PLPPR3: variants seen among roughly 807,000 people sequenced by gnomAD.
The protein encoded by PLPPR3 is phospholipid phosphatase related 3.
In PLPPR3, 14 loss-of-function variants were observed where a neutral mutation model predicts 27.3. The observed-to-expected ratio is 0.51, with a 90% CI of 0.34 to 0.80. PLPPR3 has a LOEUF of 0.80. Among genes scored for constraint, PLPPR3 ranks in the 30% least tolerant of loss-of-function variants. The pLI is 0.01. For missense variants in PLPPR3, 1,287 were observed against 1,056.9 expected (o/e 1.22, Z -3.02); for synonymous variants, 671 against 508.0 (o/e 1.32, Z -4.32).
intron 2 of PLPPR3, among the ~76,000 whole-genome samples, chr19:818,502 G>C (rs567730933): frequency 1.3e-5 from 2 of 151,984 alleles, no homozygotes; most frequent in Non-Finnish European, 2.9e-5. Flanking sequence ...GGAGTTCAAC[G>C]CTAGCCTGAG....
rs757846351 is a variant in PLPPR3, at chr19:814,507, A to G, written c.758T>C (p.Ile253Thr). The change falls in exon 7 of 8, where the codon ATC becomes ACC. Residue 253 changes from isoleucine (I) to threonine (T), a missense_variant. Transcript: ENST00000520876. The stretch of plus-strand genomic sequence containing the variant: ...CACAGGGTGGCTGCGGTACTGCGTG[A>G]TCTGCGTGAGCCCGCATACGCCCGC... ...IAAGVCGLTQ[I>T]TQYRSHPVDV... The G allele has an allele frequency of 3.1e-6, 5 of 1,611,182 alleles. No homozygotes were observed. In the South Asian group the frequency reaches 4.4e-5, roughly 14 times the overall value.
At chr19:815,960 T>C in intron 2 of PLPPR3, 109 bp from the exon 3 acceptor site, 2 of 1,051,242 alleles carry the variant, frequency 1.9e-6, no homozygotes, top group East Asian at 2.6e-5. Context: ...TATCCACAGA[T>C]CCAACCCGCT....
In PLPPR3 at chr19:814,993, G is replaced by A. The variant is rs779530329; in HGVS notation, c.492C>T (p.Thr164=). ...ATGYHTPFFL[T]VCKPNYTLLG... Reference sequence around the variant, plus strand: ...GGAGAGTGTAGTTGGGCTTGCAGACGGTGAGGAAGAAGGGAGTGTGGTAAC... The same window carrying A: ...GGAGAGTGTAGTTGGGCTTGCAGACAGTGAGGAAGAAGGGAGTGTGGTAAC... The change falls in exon 5 of 8, where the codon ACC becomes ACT. Residue 164 remains threonine, a synonymous_variant. Transcript: ENST00000520876. The A allele has an allele frequency of 2.2e-5, 36 of 1,612,218 alleles. No homozygotes were observed. Among genetic ancestry groups the A allele is most frequent in the East Asian group, 1.8e-4 (8 of 44,886 alleles).
At chr19:816,812 A>G (rs937286717) in intron 2 of PLPPR3, among the ~76,000 whole-genome samples, 15 of 149,750 alleles carry the variant, frequency 1.0e-4, no homozygotes. Context: ...GTACCCATCC[A>G]TCCATCCATC....
chr19:817,275 G>C (rs1228861419), intron 2 of PLPPR3, among the ~76,000 whole-genome samples: 2 of 151,928 alleles, frequency 1.3e-5, no homozygotes, highest in African/African-American at 4.8e-5. Flanking sequence ...ACCGCACCCA[G>C]CCATGGCCTC....
At chr19:816,430 C>CATT (rs2035056612) in intron 2 of PLPPR3, among the ~76,000 whole-genome samples, 2 of 148,852 alleles carry the variant, frequency 1.3e-5, no homozygotes, top group African/African-American at 2.5e-5. Context: ...ATGCACCCAC[C>CATT]CACCCATCTA....
Position 821,587 on chromosome 19 carries a change from T to C in PLPPR3, c.-26-2A>G. On this transcript the variant is annotated splice_acceptor_variant, in intron 1 of 7. Transcript: ENST00000520876. LOFTEE classifies it low-confidence loss of function (5UTR_SPLICE). ...TGCCGCGGGCGCCGCAGGCCGTGGC[T>C]GGAGGGGAGAAAGCGGCGCTGGAGG... is the stretch of plus-strand genomic sequence containing the variant. The C allele has an allele frequency of 7.1e-7, 1 of 1,401,482 alleles. No homozygotes were observed. The allele number at this position is 1,401,482 out of a possible 1,614,324, so 86.8% of individuals were successfully genotyped here.
In PLPPR3 at chr19:812,640, G is replaced by C. The variant is rs1177510444; in HGVS notation, c.2087C>G (p.Ala696Gly). The part of the protein sequence containing the change: ...LRRHAGGLGL[A>G]EREAEAEAEG... Reference sequence around the variant, plus strand: ...GGCCTCCGCCTCCGCCTCGCGCTCCGCCAGCCCCAGGCCGCCCGCGTGGCG... The same window carrying C: ...GGCCTCCGCCTCCGCCTCGCGCTCCCCCAGCCCCAGGCCGCCCGCGTGGCG... The change falls in exon 8 of 8, where the codon GCG (alanine) becomes GGG (glycine). Residue 696 changes from alanine to glycine, a missense_variant. By Grantham distance (60) the Ala-to-Gly change is moderately conservative (BLOSUM62 0). Transcript: ENST00000520876. The C allele has an allele frequency of 9.2e-7, 1 of 1,089,264 alleles. No individual in the cohort carries two copies. Among genetic ancestry groups the C allele is most frequent in the Non-Finnish European group, 1.1e-6 (1 of 891,536 alleles). The allele number at this position is 1,089,264 out of a possible 1,614,324, so 67.5% of individuals were successfully genotyped here.
In PLPPR3 at chr19:812,579, G is replaced by A; in HGVS notation, c.2148C>T (p.Phe716=). The A allele has an allele frequency of 9.4e-7, 1 of 1,058,850 alleles. No homozygotes were observed. The highest frequency in any genetic ancestry group is 1.1e-6 in the Non-Finnish European group (1 of 872,378). The allele number at this position is 1,058,850 out of a possible 1,614,324, so 65.6% of individuals were successfully genotyped here. A position where few individuals can be genotyped will look rare whatever the true frequency, so the allele number is the denominator to read the frequency against. Residue 716 remains phenylalanine, a synonymous_variant, in exon 8 of 8, where the codon TTC becomes TTT. Coordinates refer to ENST00000520876, the MANE Select transcript of PLPPR3 (RefSeq NM_001270366.2). Reference sequence around the variant, plus strand: ...CCCCGGCCCCGCCGCGCTAGTCGGGGAAGCGGCGCGCCTGCATCTTGCGGA... The same window carrying A: ...CCCCGGCCCCGCCGCGCTAGTCGGGAAAGCGGCGCGCCTGCATCTTGCGGA... ...GYFRKMQARR[F]PD is the part of the protein sequence containing the mutation.
At chr19:820,757 A>C (rs1250854703) in intron 2 of PLPPR3, among the ~76,000 whole-genome samples, 2 of 151,988 alleles carry the variant, frequency 1.3e-5, no homozygotes, top group African/African-American at 4.8e-5. Context: ...TCCTGCCCTC[A>C]GGTGATCTGC....
Position 813,590 on chromosome 19 carries a change from C to A in PLPPR3, c.1137G>T (p.Arg379Ser). The A allele has an allele frequency of 6.4e-7, 1 of 1,551,676 alleles. No homozygotes were observed. The highest frequency in any genetic ancestry group is 8.7e-7 in the Non-Finnish European group (1 of 1,149,952). The change falls in exon 8 of 8, where the codon AGG (arginine) becomes AGT (serine). Residue 379 changes from arginine (R) to serine (S), a missense_variant. Physicochemically the swap from Arg to Ser is moderately radical, Grantham distance 110. Coordinates refer to ENST00000520876, the MANE Select transcript of PLPPR3 (RefSeq NM_001270366.2). The surrounding 1 kb of genome is among the most constrained non-coding windows in gnomAD (Gnocchi z 4.1). Reference protein sequence around the residue: ...NMVTFSHTLPRASAPSLDDPA... With the variant: ...NMVTFSHTLPSASAPSLDDPA... ...GGTCGTCCAGCGAGGGCGCGCTGGCCCTGGGCAGCGTGTGGCTGAAGGTCA... is the reference window on the plus strand; with the variant it reads ...GGTCGTCCAGCGAGGGCGCGCTGGCACTGGGCAGCGTGTGGCTGAAGGTCA...
chr19:822,060 A>G (rs1205365876), upstream of PLPPR3: 1 of 150,284 alleles, frequency 6.7e-6, no homozygotes, highest in East Asian at 2.0e-4. Flanking sequence ...CGCCGCAGCC[A>G]GGGGCGGGGG....
Position 813,420 on chromosome 19 carries a change from G to C in PLPPR3, c.1307C>G (p.Ala436Gly). 1.3e-6 allele frequency: 2 copies of C among 1,500,994 alleles called. No individual in the cohort carries two copies. Among genetic ancestry groups the C allele is most frequent in the Middle Eastern group, 2.0e-4 (1 of 4,986 alleles). 93.0% of individuals were successfully genotyped at this position (1,500,994 alleles called of 1,614,324 possible). Reference protein sequence around the residue: ...DASPGHLRAPAEPMAEEEEEE... With the variant: ...DASPGHLRAPGEPMAEEEEEE... ...TTCCTCCTCCTCCGCCATGGGTTCG[G>C]CGGGCGCGCGCAGGTGCCCGGGGCT... The change falls in exon 8 of 8, where the codon GCC (alanine) becomes GGC (glycine). Residue 436 changes from alanine to glycine, a missense_variant. By Grantham distance (60) the Ala-to-Gly change is moderately conservative. Transcript: ENST00000520876. The surrounding 1 kb of genome is among the most constrained non-coding windows in gnomAD (Gnocchi z 4.1).
rs2035014167 is a variant in PLPPR3, at chr19:814,433, C to G, written c.831+1G>C. ...GACCCCCATCAGAACCTGCCACTCA[C>G]CAGGTAGGCAGCGATGCCCGCCCCG... On this transcript the variant is annotated splice_donor_variant, in intron 7 of 7. Transcript: ENST00000520876. LOFTEE classifies it high-confidence loss of function. 1.9e-6 allele frequency: 3 copies of G among 1,596,694 alleles called. No homozygotes were observed. Among genetic ancestry groups the G allele is most frequent in the Non-Finnish European group, 2.6e-6 (3 of 1,173,428 alleles).
chr19:821,887 C>A, intron 1 of PLPPR3, 28 bp downstream of exon 1: 1 of 223,958 alleles, frequency 4.5e-6, no homozygotes, highest in Non-Finnish European at 8.6e-6. Flanking sequence ...GAGACTGGGT[C>A]CGCGCCCCCA....
rs780159532 is a variant in PLPPR3 at position 813,386 on chromosome 19, C to G, written c.1341G>C (p.Glu447Asp). ...EPMAEEEEEE[E>D]DEEEEEEEEE... ...CCTCCTCCTCCTCTTCCTCTTCGTC[C>G]TCCTCCTCTTCCTCCTCCTCCGCCA... is the stretch of plus-strand genomic sequence containing the variant. Residue 447 changes from glutamate (E) to aspartate (D), a missense_variant, in exon 8 of 8, where the codon GAG (glutamate) becomes GAC (aspartate). By Grantham distance (45) the Glu-to-Asp change is conservative. Transcript: ENST00000520876. This position sits in a 1 kb window ranked among gnomAD's most constrained non-coding sequence, Gnocchi z 4.1. 32 of 1,500,708 alleles carry G rather than the reference C, an allele frequency of 2.1e-5. No individual in the cohort carries two copies. Among genetic ancestry groups the G allele is most frequent in the African/African-American group, 1.4e-4 (10 of 70,454 alleles). 93.0% of individuals were successfully genotyped at this position (1,500,708 alleles called of 1,614,324 possible).
intron 7 of PLPPR3, 37 bp downstream of exon 7, chr19:814,397 G>A (rs957958671): frequency 1.3e-6 from 2 of 1,556,540 alleles, no homozygotes. Flanking sequence ...GATCCCCTGG[G>A]AACCCATGCC....
chr19:814,990 G>T lies in PLPPR3; in HGVS notation c.495C>A (p.Val165=). 1 of 1,612,404 alleles carries T rather than the reference G, an allele frequency of 6.2e-7. No homozygotes were observed. The change falls in exon 5 of 8, where the codon GTC becomes GTA. Residue 165 remains valine (V), a synonymous_variant. Transcript: ENST00000520876. The stretch of plus-strand genomic sequence containing the variant: ...CCAGGAGAGTGTAGTTGGGCTTGCA[G>T]ACGGTGAGGAAGAAGGGAGTGTGGT... The part of the protein sequence containing the change: ...TGYHTPFFLT[V]CKPNYTLLGT...
chr19:816,089 C>T (rs2035048017), intron 2 of PLPPR3, among the ~76,000 whole-genome samples: 1 of 151,998 alleles, frequency 6.6e-6, no homozygotes, highest in African/African-American at 2.4e-5. Flanking sequence ...ACACCTATGC[C>T]CCCAACATCC....
Sources: gnomAD v4.1 joint callset for allele counts (sites outside exome capture counted in the v4.1 genomes callset) on GRCh38, gnomAD v4.1.1 for gene constraint, Gnocchi (gnomAD v3.1) non-coding constraint, MANE v1.5 for transcripts, NCBI Gene and HGNC (gene_info 2026-07-23, HGNC 2026-07-21) for gene names.